RYR3: variants seen among roughly 807,000 people sequenced by gnomAD.
RYR3 encodes brain ryanodine receptor-calcium release channel.
A neutral mutation model predicts 584.3 loss-of-function variants in RYR3; 207 were observed. The ratio of observed to expected loss-of-function variants is 0.35; its 90% CI spans 0.32 to 0.40. RYR3 has a LOEUF of 0.40. Among genes scored for constraint, RYR3 ranks in the 10% least tolerant of loss-of-function variants. RYR3 has a pLI of 1.00. For missense variants in RYR3, 5,616 were observed against 6,089.2 expected (o/e 0.92, Z 2.59); for synonymous variants, 2,416 against 2,248.5 (o/e 1.07, Z -2.11).
intron 38 of RYR3, among the ~76,000 whole-genome samples, chr15:33,682,643 A>C (rs967159661): frequency 6.6e-6 from 1 of 152,186 alleles, no homozygotes; most frequent in African/African-American, 2.4e-5. Context: ...GTTCAAGAGC[A>C]TTTGCTTTAT....
intron 15 of RYR3, 72 bp from the exon 16 acceptor site, chr15:33,585,926 C>G: frequency 2.4e-6 from 2 of 840,134 alleles, no homozygotes; most frequent in East Asian, 4.9e-5. Context: ...TGTTCATACT[C>G]AGGTTTCTAA....
chr15:33,859,533 A>G (rs1236849103), intron 99 of RYR3, 42 bp from the exon 100 acceptor site: 5 of 1,609,726 alleles, frequency 3.1e-6, no homozygotes, highest in Non-Finnish European at 4.3e-6. Context: ...TAAAAACAGA[A>G]CTGTGACTTT....
At chr15:33,516,523 A>G (rs2053537813) in intron 3 of RYR3, among the ~76,000 whole-genome samples, 1 of 151,822 alleles carries the variant, frequency 6.6e-6, no homozygotes, top group Admixed American at 6.6e-5. Context: ...TTTGGTAGAG[A>G]CAGGTTTTCA....
chr15:33,698,077 GGT>G (rs2065988196), intron 40 of RYR3, 81 bp downstream of exon 40: 2 of 926,568 alleles, frequency 2.2e-6, no homozygotes, highest in Non-Finnish European at 1.8e-6. Flanking sequence ...CCACGTGGCT[GGT>G]GTCCCTTGCC....
In RYR3 at chr15:33,807,786, C is replaced by G. The variant is rs535020646; in HGVS notation, c.10026+217C>G. Reference sequence around the variant, plus strand: ...GGGAAGCCGGGGAAGCCAGCCAAGCCTCACCCTAACCGAGGTCTCCTTGCT... The same window carrying G: ...GGGAAGCCGGGGAAGCCAGCCAAGCGTCACCCTAACCGAGGTCTCCTTGCT... On this transcript the variant is annotated intron_variant, in intron 70 of 103. Transcript: ENST00000634891. The G allele has an allele frequency of 5.1e-6, 3 of 590,738 alleles. No homozygotes were observed. In the Admixed American group the frequency reaches 8.8e-5, roughly 17 times the overall value. 36.6% of individuals were successfully genotyped at this position (590,738 alleles called of 1,614,324 possible).
chr15:33,768,778 G>C (rs1005196492), intron 61 of RYR3, 71 bp downstream of exon 61: 1 of 1,478,632 alleles, frequency 6.8e-7, no homozygotes, highest in African/African-American at 1.4e-5. Flanking sequence ...GCCTTTATTT[G>C]TGTCTTCCTC....
chr15:33,635,407 A>G (rs184970704), intron 25 of RYR3, among the ~76,000 whole-genome samples: 22 of 152,346 alleles, frequency 1.4e-4, no homozygotes, highest in Admixed American at 6.5e-4. Context: ...AGGATCTACT[A>G]TGAAGCAATC....
intron 47 of RYR3, 145 bp downstream of exon 47, chr15:33,729,171 A>AT: frequency 1.4e-6 from 1 of 729,558 alleles, no homozygotes; most frequent in African/African-American, 1.8e-5. Flanking sequence ...GGTATCATGA[A>AT]ATGGAAGATC....
At chr15:33,346,565 G>T (rs1470261940) in intron 1 of RYR3, among the ~76,000 whole-genome samples, 1 of 152,172 alleles carries the variant, frequency 6.6e-6, no homozygotes, top group Non-Finnish European at 1.5e-5. Context: ...TTCAAATATT[G>T]ATATCCAAAT....
chr15:33,536,309 T>C (rs2055325534), intron 5 of RYR3, among the ~76,000 whole-genome samples: 1 of 152,204 alleles, frequency 6.6e-6, no homozygotes, highest in Admixed American at 6.5e-5. Context: ...AATTGTACAT[T>C]CTCACACTTA....
At chr15:33,729,075 T>C (rs7498093) in intron 47 of RYR3, 49 bp downstream of exon 47, 1 of 1,524,212 alleles carries the variant, frequency 6.6e-7, no homozygotes, top group African/African-American at 1.4e-5. Flanking sequence ...ATTGTGAAAT[T>C]AGTAATGTTG....
intron 10 of RYR3, among the ~76,000 whole-genome samples, chr15:33,554,018 C>A (rs1012687038): frequency 6.6e-6 from 1 of 152,112 alleles, no homozygotes; most frequent in African/African-American, 2.4e-5. Flanking sequence ...GCCTTTTGCC[C>A]CTCTGCACTC....
At chr15:33,654,964 G>A (rs1331339180) in intron 32 of RYR3, among the ~76,000 whole-genome samples, 4 of 152,194 alleles carry the variant, frequency 2.6e-5, no homozygotes, top group African/African-American at 9.6e-5. Context: ...CATCTGAAAT[G>A]TTCATTGACT....
At chr15:33,399,597 C>T (rs1054501599) in intron 1 of RYR3, among the ~76,000 whole-genome samples, 6 of 152,090 alleles carry the variant, frequency 3.9e-5, no homozygotes, top group African/African-American at 1.4e-4. Flanking sequence ...GAGATAGCGC[C>T]ACTGCACTCC....
At chr15:33,401,614 T>C (rs1030579239) in intron 1 of RYR3, among the ~76,000 whole-genome samples, 3 of 152,184 alleles carry the variant, frequency 2.0e-5, no homozygotes, top group Admixed American at 1.3e-4. Flanking sequence ...TACAAAACAG[T>C]ATGTGAACAT....
At chr15:33,432,668 TTGTGTGTG>T (rs58292418) in intron 1 of RYR3, among the ~76,000 whole-genome samples, 17 of 132,198 alleles carry the variant, frequency 1.3e-4, no homozygotes, top group Admixed American at 6.1e-4. Flanking sequence ...GCCTAGCTAA[TTGTGTGTG>T]TGTGTGTGTG....
At chr15:33,632,377 A>G (rs572062529) in intron 23 of RYR3, among the ~76,000 whole-genome samples, 2 of 152,344 alleles carry the variant, frequency 1.3e-5, no homozygotes, top group South Asian at 2.1e-4. Flanking sequence ...TCTTCCCATT[A>G]TCAGTCAACT....
At chr15:33,506,083 G>A (rs1195344379) in intron 3 of RYR3, among the ~76,000 whole-genome samples, 6 of 152,168 alleles carry the variant, frequency 3.9e-5, no homozygotes, top group Non-Finnish European at 7.4e-5. Flanking sequence ...AGATGAGAAA[G>A]TAAATTCAAA....
chr15:33,366,218 G>A (rs1368023182), intron 1 of RYR3, among the ~76,000 whole-genome samples: 1 of 152,094 alleles, frequency 6.6e-6, no homozygotes, highest in East Asian at 1.9e-4. Context: ...TAATTAACTT[G>A]AAAAATATGG....
Sources: allele counts gnomAD v4.1 joint callset (sites outside exome capture counted in the v4.1 genomes callset), GRCh38; gene constraint gnomAD v4.1.1; transcripts MANE v1.5; gene names NCBI Gene and HGNC (gene_info 2026-07-23, HGNC 2026-07-21).